RUNX2: variants seen among roughly 807,000 people sequenced by gnomAD.
The protein encoded by RUNX2 is runt-related transcription factor 2.
RUNX2 carries 10 observed loss-of-function variants against 51.7 expected under a neutral mutation model. The observed-to-expected ratio is 0.19, with a 90% CI of 0.12 to 0.33. RUNX2 has a LOEUF of 0.33. Among genes scored for constraint, RUNX2 ranks in the 10% least tolerant of loss-of-function variants. The probability of loss-of-function intolerance (pLI) is 1.00; values close to 1 mark genes in which losing one functional copy is unlikely to be tolerated. For synonymous variants in RUNX2, 276 were observed against 273.6 expected (o/e 1.01, Z -0.09); for missense variants, 562 against 691.3 (o/e 0.81, Z 2.10).
At chr6:45,460,206 A>G (rs2150385987) in intron 5 of RUNX2, among the ~76,000 whole-genome samples, 1 of 152,296 alleles carries the variant, frequency 6.6e-6, no homozygotes, top group Non-Finnish European at 1.5e-5. Context: ...AATTCTCAAC[A>G]TTGGAAATAG....
At chr6:45,394,427 C>T (rs911341631) in intron 2 of RUNX2, among the ~76,000 whole-genome samples, 35 of 152,290 alleles carry the variant, frequency 2.3e-4, no homozygotes, top group African/African-American at 8.2e-4. Context: ...CTTTTAGCCT[C>T]GCCTGTTGTC....
chr6:45,430,858 G>A (rs1798522737), intron 3 of RUNX2, among the ~76,000 whole-genome samples: 1 of 152,182 alleles, frequency 6.6e-6, no homozygotes, highest in Non-Finnish European at 1.5e-5. Flanking sequence ...AGTCCTGGAA[G>A]TTCGTTGAGA....
chr6:45,508,943 T>C (rs1197153101), intron 6 of RUNX2, among the ~76,000 whole-genome samples: 4 of 152,228 alleles, frequency 2.6e-5, no homozygotes, highest in Non-Finnish European at 5.9e-5. Flanking sequence ...TTATACTTAG[T>C]TATGCTGAAT....
In RUNX2 at chr6:45,420,493, C is replaced by T. The variant is rs73737409; in HGVS notation, c.59-2100C>T. Among the ~76,000 whole-genome samples, 895 of 152,272 alleles carry T rather than the reference C, an allele frequency of 5.9e-3. 17 individuals are homozygous for T. Among genetic ancestry groups the T allele is most frequent in the African/African-American group, 0.021 (852 of 41,548 alleles). On this transcript the variant is annotated intron_variant, in intron 2 of 8. Transcript: ENST00000647337. The stretch of plus-strand genomic sequence containing the variant: ...AATTGCTTTAAATAAGATGGGAGGG[C>T]GTGAGAGATGACCCAACCATCTTTC...
At chr6:45,388,497 C>T (rs1044096963) in intron 2 of RUNX2, among the ~76,000 whole-genome samples, 1 of 152,174 alleles carries the variant, frequency 6.6e-6, no homozygotes, top group Non-Finnish European at 1.5e-5. Context: ...GAATCAGATA[C>T]TCTGGGGGGC....
Position 45,399,349 on chromosome 6 carries a change from C to CTTTTTTTTTTTTTTTTTTTTTTTTTTTT in RUNX2, c.59-23243_59-23216dup, listed in dbSNP as rs398048486. Among the ~76,000 whole-genome samples the CTTTTTTTTTTTTTTTTTTTTTTTTTTTT allele has an allele frequency of 5.2e-5, 3 of 57,346 alleles. 1 individual carries two copies. The highest frequency in any genetic ancestry group is 6.9e-5 in the Non-Finnish European group (2 of 29,036). The allele number at this position is 57,346 out of a possible 152,430, so 37.6% of individuals were successfully genotyped here. The stretch of plus-strand genomic sequence containing the variant: ...CTTTCTCATTTCTTTCTTTTCTTTC[C>CTTTTTTTTTTTTTTTTTTTTTTTTTTTT]TTTTTTTTTTTTTTTTTTTTTTTTT... On this transcript the variant is annotated intron_variant, in intron 2 of 8. Transcript: ENST00000647337.
chr6:45,495,512 A>T (rs571060306), intron 6 of RUNX2, among the ~76,000 whole-genome samples: 1 of 152,250 alleles, frequency 6.6e-6, no homozygotes, highest in Non-Finnish European at 1.5e-5. Flanking sequence ...CCTGTAATGG[A>T]TTTTGTAACT....
At chr6:45,468,147 A>G (rs1799690253) in intron 5 of RUNX2, among the ~76,000 whole-genome samples, 3 of 152,226 alleles carry the variant, frequency 2.0e-5, no homozygotes, top group South Asian at 4.1e-4. Flanking sequence ...TCTTACACAC[A>G]TTTTAGCCCC....
At chr6:45,396,876 C>G (rs1797591429) in intron 2 of RUNX2, among the ~76,000 whole-genome samples, 2 of 152,210 alleles carry the variant, frequency 1.3e-5, no homozygotes, top group South Asian at 4.1e-4. Flanking sequence ...ATCCATTGAA[C>G]AGATACAGTA....
intron 5 of RUNX2, among the ~76,000 whole-genome samples, chr6:45,488,695 A>C (rs975434171): frequency 2.8e-5 from 4 of 142,684 alleles, no homozygotes; most frequent in African/African-American, 1.1e-4. Context: ...CTTATTCAGC[A>C]ATGATGGAAG....
At chr6:45,496,061 C>T (rs1800635921) in intron 6 of RUNX2, among the ~76,000 whole-genome samples, 1 of 152,076 alleles carries the variant, frequency 6.6e-6, no homozygotes, top group Admixed American at 6.6e-5. Flanking sequence ...ACATCTGCTG[C>T]TTGTCTCTAG....
chr6:45,474,571 A>G (rs1799900964), intron 5 of RUNX2, among the ~76,000 whole-genome samples: 1 of 152,120 alleles, frequency 6.6e-6, no homozygotes, highest in South Asian at 2.1e-4. Flanking sequence ...GGATCTTATC[A>G]GAGTCTGTAG....
chr6:45,405,762 G>C (rs1304856146), intron 2 of RUNX2, among the ~76,000 whole-genome samples: 1 of 151,996 alleles, frequency 6.6e-6, no homozygotes, highest in Non-Finnish European at 1.5e-5. Flanking sequence ...ACTCCAGCCT[G>C]GCCAACAGAA....
intron 6 of RUNX2, among the ~76,000 whole-genome samples, chr6:45,495,110 G>A (rs1051396501): frequency 5.9e-5 from 9 of 152,230 alleles, no homozygotes; most frequent in African/African-American, 2.2e-4. Flanking sequence ...TCCAAAGGCA[G>A]TTCATCCACC....
intron 2 of RUNX2, among the ~76,000 whole-genome samples, chr6:45,411,916 C>G (rs1368793698): frequency 2.6e-5 from 4 of 152,134 alleles, no homozygotes; most frequent in Non-Finnish European, 2.9e-5. Flanking sequence ...AGATCTGGAA[C>G]ATCTCATTCA....
intron 7 of RUNX2, among the ~76,000 whole-genome samples, chr6:45,527,916 A>G (rs915003184): frequency 1.3e-5 from 2 of 152,206 alleles, no homozygotes; most frequent in Non-Finnish European, 2.9e-5. Context: ...TGCTGCTAAT[A>G]AAGACATACC....
rs1246863159 is a variant in RUNX2 at position 45,328,412 on chromosome 6, A to G, written c.-115A>G. On this transcript the variant is annotated 5_prime_UTR_variant, in exon 1 of 9. It removes an upstream start codon present in the reference 5' UTR. Coordinates refer to ENST00000647337, the MANE Select transcript of RUNX2 (RefSeq NM_001024630.4). Reference sequence around the variant, plus strand: ...ACAGCAAGAAGTCTCTGGTTTTTAAATGGTTAATCTCCGCAGGTCACTACC... The same window carrying G: ...ACAGCAAGAAGTCTCTGGTTTTTAAGTGGTTAATCTCCGCAGGTCACTACC... The G allele has an allele frequency of 1.4e-6, 2 of 1,428,618 alleles. No homozygotes were observed. Among genetic ancestry groups the G allele is most frequent in the Non-Finnish European group, 9.4e-7 (1 of 1,062,848 alleles). The allele number at this position is 1,428,618 out of a possible 1,614,324, so 88.5% of individuals were successfully genotyped here.
At chr6:45,539,705 C>T (rs1056027603) in intron 7 of RUNX2, among the ~76,000 whole-genome samples, 5 of 152,142 alleles carry the variant, frequency 3.3e-5, no homozygotes, top group African/African-American at 7.2e-5. Context: ...CTACCTCTGT[C>T]GTGTTTGCCT....
At chr6:45,530,830 G>A (rs761008442) in intron 7 of RUNX2, among the ~76,000 whole-genome samples, 3 of 152,162 alleles carry the variant, frequency 2.0e-5, no homozygotes, top group African/African-American at 4.8e-5. Context: ...AGAACATCAT[G>A]TTAGAACCTC....
Sources: allele counts gnomAD v4.1 joint callset (sites outside exome capture counted in the v4.1 genomes callset), GRCh38; gene constraint gnomAD v4.1.1; transcripts MANE v1.5; gene names NCBI Gene and HGNC (gene_info 2026-07-23, HGNC 2026-07-21).